Variants in NAV3 observed in about 807,000 individuals in gnomAD.
NAV3 encodes the protein neuron navigator 3, also known as pore membrane and/or filament interacting like protein 1.
In NAV3, 87 loss-of-function variants were observed where a neutral mutation model predicts 244.7. The ratio of observed to expected loss-of-function variants is 0.36; its 90% CI spans 0.30 to 0.42. The LOEUF (loss-of-function observed/expected upper bound fraction) is 0.42, where lower values mean the gene tolerates loss of function less well. Ranked by LOEUF, NAV3 falls within the 20% of genes least tolerant of loss-of-function variation. The pLI, the probability that NAV3 is intolerant of heterozygous loss-of-function variation, is 1.00. For missense variants in NAV3, 2,663 were observed against 2,893.3 expected, an observed-to-expected ratio of 0.92 and a Z score of 1.83; for synonymous variants, 1,126 against 1,042.2, an observed-to-expected ratio of 1.08 and a Z score of -1.55.
intron 2 of NAV3, among the ~76,000 whole-genome samples, chr12:77,771,045 A>T (rs1433894740): frequency 1.3e-5 from 2 of 152,194 alleles, no homozygotes; most frequent in Non-Finnish European, 2.9e-5. Flanking sequence ...AGAATCTACA[A>T]TGAACTGAAA....
chr12:77,998,173 T>C (rs112298356), intron 6 of NAV3, among the ~76,000 whole-genome samples, 164 bp from the exon 7 acceptor site: 11 of 152,364 alleles, frequency 7.2e-5, no homozygotes, highest in African/African-American at 2.6e-4. Context: ...TTTCTGAAGA[T>C]CTGCAACATT....
chr12:77,607,785 G>T (rs1311889312), intron 2 of NAV3, among the ~76,000 whole-genome samples: 3 of 151,980 alleles, frequency 2.0e-5, no homozygotes, highest in Non-Finnish European at 4.4e-5. Context: ...GTTTTCATTT[G>T]CATGTCTTGT....
chr12:77,891,316 A>G (rs112490377), intron 1 of NAV3, among the ~76,000 whole-genome samples: 2 of 149,198 alleles, frequency 1.3e-5, no homozygotes, highest in African/African-American at 4.9e-5. Context: ...AGATAAATTT[A>G]TAAAGATAAT....
rs531244982 is a variant in NAV3 at position 77,831,185 on chromosome 12, G to A, written c.-277G>A. On this transcript the variant is annotated 5_prime_UTR_variant, in exon 1 of 40. Transcript: ENST00000397909. ...AGAGAGAGACAGAGAGAGAGAGAGA[G>A]AGAGAGAGACAGAGAGAGAGAGAGA... 7.3e-6 allele frequency: 1 copy of A among 136,138 alleles called. No individual in the cohort carries two copies. Among genetic ancestry groups the A allele is most frequent in the Non-Finnish European group, 1.6e-5 (1 of 64,414 alleles). 8.4% of individuals were successfully genotyped at this position (136,138 alleles called of 1,614,324 possible).
intron 11 of NAV3, among the ~76,000 whole-genome samples, chr12:78,058,614 T>A (rs2137397514): frequency 6.6e-6 from 1 of 152,310 alleles, no homozygotes; most frequent in East Asian, 1.9e-4. Flanking sequence ...GATCCATTAC[T>A]CCTATGACCT....
intron 9 of NAV3, among the ~76,000 whole-genome samples, chr12:78,043,796 ATTTG>A (rs1429582784): frequency 6.6e-6 from 1 of 152,054 alleles, no homozygotes; most frequent in Non-Finnish European, 1.5e-5. Context: ...TTTCTTGTAA[ATTTG>A]TTTAAGTTCC....
intron 2 of NAV3, among the ~76,000 whole-genome samples, chr12:77,617,334 A>C (rs990422644): frequency 1.3e-5 from 2 of 152,066 alleles, no homozygotes; most frequent in African/African-American, 4.8e-5. Flanking sequence ...AATGAATGGG[A>C]AGTTGCCAGA....
intron 22 of NAV3, among the ~76,000 whole-genome samples, chr12:78,155,227 C>T (rs1245343930): frequency 6.6e-5 from 10 of 151,910 alleles, no homozygotes; most frequent in East Asian, 3.9e-4. Flanking sequence ...CATGTGCCCA[C>T]GTGTTCTCAT....
chr12:78,178,217 T>C (rs1958335260), intron 28 of NAV3, among the ~76,000 whole-genome samples: 1 of 151,094 alleles, frequency 6.6e-6, no homozygotes, highest in Non-Finnish European at 1.5e-5. Flanking sequence ...TCGAGTGCGA[T>C]GTCAAGATCT....
At position 77,625,853 on chromosome 12, in the gene NAV3, G is replaced by A. The variant is rs566878373; in HGVS notation, c.72+53587G>A. Among the ~76,000 whole-genome samples, 16 of 152,276 alleles carry A rather than the reference G, an allele frequency of 1.1e-4. 1 individual carries two copies. The South Asian group carries it at 2.9e-3, about 28-fold the overall frequency. On this transcript the variant is annotated intron_variant, in intron 2 of 8. Transcript: ENST00000550042. ...GAAAGATGCAACTGTTACAGCAAGT[G>A]CTTATATATCAACATAAGGACACAA...
chr12:78,150,629 C>CCACACACACACACA (rs765969323), intron 22 of NAV3, among the ~76,000 whole-genome samples: 7 of 122,530 alleles, frequency 5.7e-5, no homozygotes, highest in Non-Finnish European at 8.7e-5. Context: ...GCAAAAGCTT[C>CCACACACACACACA]CTCACACACA....
At chr12:77,797,715 C>T (rs1871494128) in intron 2 of NAV3, among the ~76,000 whole-genome samples, 3 of 150,986 alleles carry the variant, frequency 2.0e-5, no homozygotes, top group African/African-American at 7.3e-5. Flanking sequence ...GTGGTGCGTG[C>T]CTGTAATCCC....
intron 18 of NAV3, among the ~76,000 whole-genome samples, chr12:78,131,895 G>A (rs1250529411): frequency 1.3e-5 from 2 of 152,122 alleles, no homozygotes; most frequent in Non-Finnish European, 1.5e-5. Flanking sequence ...CATCAGATAT[G>A]CCTGAGCTTT....
At chr12:78,147,347 A>G (rs1956903713) in intron 21 of NAV3, among the ~76,000 whole-genome samples, 1 of 152,070 alleles carries the variant, frequency 6.6e-6, no homozygotes, top group Non-Finnish European at 1.5e-5. Flanking sequence ...TTGCCTTAGT[A>G]GTAGTTATTC....
intron 12 of NAV3, among the ~76,000 whole-genome samples, chr12:78,111,195 G>T (rs946087220): frequency 6.6e-6 from 1 of 151,998 alleles, no homozygotes; most frequent in African/African-American, 2.4e-5. Context: ...AATTATATAC[G>T]TGTAACAAAA....
At chr12:77,955,412 T>A (rs1891274285) in intron 3 of NAV3, among the ~76,000 whole-genome samples, 1 of 152,188 alleles carries the variant, frequency 6.6e-6, no homozygotes, top group South Asian at 2.1e-4. Flanking sequence ...ACATGGGCTC[T>A]GAGTGACCTT....
At chr12:77,745,136 T>G (rs1868470419) in intron 2 of NAV3, among the ~76,000 whole-genome samples, 9 of 152,032 alleles carry the variant, frequency 5.9e-5, no homozygotes, top group Admixed American at 5.9e-4. Context: ...AGTGTTGTCT[T>G]TTGGTTTAAA....
At position 78,154,018 on chromosome 12, in the gene NAV3, A is replaced by C. The variant is rs374028694; in HGVS notation, c.4785+5099A>C. 7.4e-5 allele frequency among the ~76,000 whole-genome samples: 11 copies of C among 148,030 alleles called. No individual in the cohort carries two copies. The East Asian group carries it at 7.8e-4, about 11-fold the overall frequency. ...ATATATATAAAGTTTATATGGGTAA[A>C]TATATATTACATATAATATATGTTT... On this transcript the variant is annotated intron_variant, in intron 22 of 39. Coordinates refer to ENST00000397909, the MANE Select transcript of NAV3 (RefSeq NM_001024383.2).
intron 1 of NAV3, among the ~76,000 whole-genome samples, chr12:77,902,925 C>A (rs1443149196): frequency 1.3e-5 from 2 of 152,130 alleles, no homozygotes; most frequent in African/African-American, 2.4e-5. Context: ...ACCTAGGAAT[C>A]CAACTTTCAA....
Sources: allele counts gnomAD v4.1 joint callset (sites outside exome capture counted in the v4.1 genomes callset), GRCh38; gene constraint gnomAD v4.1.1; transcripts MANE v1.5; gene names NCBI Gene and HGNC (gene_info 2026-07-23, HGNC 2026-07-21).